MDN1: variants seen among roughly 807,000 people sequenced by gnomAD.
MDN1 encodes midasin.
MDN1 carries 266 observed loss-of-function variants against 669.2 expected under a neutral mutation model. That is an observed-to-expected ratio of 0.40 (90% confidence interval 0.36 to 0.44). MDN1 has a LOEUF of 0.44. MDN1 is among the 20% of genes least tolerant of loss of function. The probability of loss-of-function intolerance (pLI) is 1.00; values close to 1 mark genes in which losing one functional copy is unlikely to be tolerated. For missense variants in MDN1, 5,940 were observed against 6,754.0 expected (o/e 0.88, Z 4.22); for synonymous variants, 2,385 against 2,457.1 (o/e 0.97, Z 0.87).
intron 69 of MDN1, among the ~76,000 whole-genome samples, chr6:89,686,472 T>C (rs1584187741): frequency 6.6e-6 from 1 of 152,026 alleles, no homozygotes. Context: ...AAGTAGCAGC[T>C]GCACATAGAG....
chr6:89,750,763 C>A (rs1050772108), intron 23 of MDN1, among the ~76,000 whole-genome samples: 6 of 152,034 alleles, frequency 3.9e-5, no homozygotes, highest in Non-Finnish European at 8.8e-5. Flanking sequence ...CCACCAAGCC[C>A]AGCTAAATTT....
At position 89,650,015 on chromosome 6, in the gene MDN1, C is replaced by T; in HGVS notation, c.16206+9G>A. On this transcript the variant is annotated intron_variant, in intron 97 of 101. Coordinates refer to ENST00000369393, the MANE Select transcript of MDN1 (RefSeq NM_014611.3). ...CCTATCAAACTGCCACTGCATTTCT[C>T]TTCCTTACCTGCTTGGTATGATTGT... 5 of 1,613,862 alleles carry T rather than the reference C, an allele frequency of 3.1e-6. No homozygotes were observed. The highest frequency in any genetic ancestry group is 3.4e-6 in the Non-Finnish European group (4 of 1,179,906).
At chr6:89,743,089 G>GGA in intron 31 of MDN1, 61 bp downstream of exon 31, 2 of 1,234,234 alleles carry the variant, frequency 1.6e-6, no homozygotes, top group South Asian at 2.9e-5. Flanking sequence ...GTCTCAGGGA[G>GGA]AAAAAAAAAA....
intron 87 of MDN1, 71 bp from the exon 88 acceptor site, chr6:89,661,649 A>G: frequency 7.0e-7 from 1 of 1,418,542 alleles, no homozygotes; most frequent in Non-Finnish European, 9.5e-7. Flanking sequence ...GAATTCCCAT[A>G]AAATCAGCTC....
At chr6:89,699,937 C>A in intron 57 of MDN1, 126 bp downstream of exon 57, 1 of 1,136,302 alleles carries the variant, frequency 8.8e-7, no homozygotes, top group Admixed American at 2.8e-5. Context: ...TCCAAAGTGG[C>A]AAATCACTTC....
Position 89,712,117 on chromosome 6 carries a change from T to A in MDN1, c.7570A>T (p.Ile2524Leu), listed in dbSNP as rs543178166. 27 of 1,614,172 alleles carry A rather than the reference T, an allele frequency of 1.7e-5. No homozygotes were observed. The highest frequency in any genetic ancestry group is 2.3e-5 in the Non-Finnish European group (27 of 1,179,988). The change falls in exon 49 of 102, where the codon ATA becomes TTA. Residue 2524 changes from isoleucine to leucine, a missense_variant. Coordinates refer to ENST00000369393, the MANE Select transcript of MDN1 (RefSeq NM_014611.3). ...CAATCCTGATTGGTTGCTCTTTCTA[T>A]GAGCAATTTAACAGCCATGACCAAA... is the stretch of plus-strand genomic sequence containing the variant. Reference protein sequence around the residue: ...DVLVMAVKLLIERATNQDWML... With the variant: ...DVLVMAVKLLLERATNQDWML...
chr6:89,751,528 C>T lies in MDN1; in HGVS notation c.3130G>A (p.Ala1044Thr), dbSNP rs1437512286. The T allele has an allele frequency of 1.2e-6, 2 of 1,614,162 alleles. No individual in the cohort carries two copies. The highest frequency in any genetic ancestry group is 1.6e-4 in the Middle Eastern group (1 of 6,062). Residue 1044 changes from alanine (A) to threonine (T), a missense_variant, in exon 23 of 102, where the codon GCG (alanine) becomes ACG (threonine). Transcript: ENST00000369393. ...ATTGTAGGCTCCTTGTCTCCCACCG[C>T]AATCCAGTAGCCTTCAACCTGGATA... Reference protein sequence around the residue: ...RLIQVEGYWIAVGDKEPTIDE... With the variant: ...RLIQVEGYWITVGDKEPTIDE...
chr6:89,753,653 T>C, intron 21 of MDN1, 31 bp from the exon 22 acceptor site: 1 of 1,508,458 alleles, frequency 6.6e-7, no homozygotes, highest in Non-Finnish European at 9.2e-7. Flanking sequence ...TGCATAATGC[T>C]AAATAACCTT....
intron 101 of MDN1, 86 bp from the exon 102 acceptor site, chr6:89,644,279 T>C: frequency 8.9e-7 from 1 of 1,117,322 alleles, no homozygotes; most frequent in Non-Finnish European, 1.3e-6. Flanking sequence ...TTTTGCTAAC[T>C]TTTACATCTC....
At chr6:89,752,028 A>G (rs1456903317) in intron 22 of MDN1, among the ~76,000 whole-genome samples, 2 of 152,230 alleles carry the variant, frequency 1.3e-5, no homozygotes, top group African/African-American at 4.8e-5. Flanking sequence ...CAACTAGCCC[A>G]TTAAGGATAA....
At chr6:89,818,594 G>A (rs925850134) in intron 1 of MDN1, among the ~76,000 whole-genome samples, 92 of 151,792 alleles carry the variant, frequency 6.1e-4, no homozygotes, top group African/African-American at 2.2e-3. Flanking sequence ...GGTGGATCAC[G>A]AGGTCAAGAG....
chr6:89,686,419 T>A (rs997485316), intron 69 of MDN1, among the ~76,000 whole-genome samples: 1 of 148,090 alleles, frequency 6.8e-6, no homozygotes, highest in African/African-American at 2.4e-5. Context: ...AGCAGGACTC[T>A]GTCTCAAAAA....
At chr6:89,677,734 T>C (rs1811304737) in intron 75 of MDN1, 38 bp from the exon 76 acceptor site, 1 of 1,612,622 alleles carries the variant, frequency 6.2e-7, no homozygotes, top group Non-Finnish European at 8.5e-7. Context: ...CAAAGATGCT[T>C]AGTAGAGAAT....
rs1291658172 is a variant in MDN1, at chr6:89,743,649, C to T, written c.4244G>A (p.Ser1415Asn). 1 of 1,614,146 alleles carries T rather than the reference C, an allele frequency of 6.2e-7. No homozygotes were observed. ...TGATGTCTCCATGTGTAAGTGGCAG[C>T]TGACAGAGTATAATTTCTGATTTGC... ...ALANQKLYSVSCHLHMETSDF... is the reference protein window; with the variant it reads ...ALANQKLYSVNCHLHMETSDF... Residue 1415 changes from serine (S) to asparagine (N), a missense_variant, in exon 30 of 102, where the codon AGC becomes AAC. Around this residue, in one of 5 missense-constraint regions of MDN1, gnomAD observed 2,292 missense variants for 2,638.3 expected, o/e 0.87. Transcript: ENST00000369393.
At chr6:89,693,194 C>A (rs768371798) in intron 62 of MDN1, 46 bp from the exon 63 acceptor site, 46 of 1,379,180 alleles carry the variant, frequency 3.3e-5, no homozygotes, top group Non-Finnish European at 4.4e-5. Context: ...AGAAGAAGAG[C>A]AGCAAATCTA....
rs1405998311 is a variant in MDN1 at position 89,780,278 on chromosome 6, C to T, written c.1659G>A (p.Trp553Ter). ...CAAAGCTATGGGCAATCCTATTACA[C>T]CAATTCAGCAGATCCCTTTAAAAAA... ...RELSLRDLLN[W>*]CNRIAHSFDS... The change falls in exon 11 of 102, where the codon TGG (tryptophan) becomes TGA (stop). Residue 553 changes from tryptophan (W) to a stop codon, truncating the protein, a stop_gained. Transcript: ENST00000369393. LOFTEE classifies it high-confidence loss of function. The T allele has an allele frequency of 1.3e-6, 2 of 1,575,062 alleles. No homozygotes were observed. The highest frequency in any genetic ancestry group is 1.7e-6 in the Non-Finnish European group (2 of 1,163,582).
Position 89,758,809 on chromosome 6 carries a change from G to T in MDN1, c.2605+7C>A, listed in dbSNP as rs777385482. The T allele has an allele frequency of 2.5e-6, 4 of 1,614,012 alleles. No homozygotes were observed. In the South Asian group the frequency reaches 4.4e-5, roughly 18 times the overall value. On this transcript the variant is annotated splice_region_variant and intron_variant, in intron 18 of 101. Transcript: ENST00000369393. ...CCAAGTCAAATCCCAAGGGATTCAA[G>T]TGCTACCTGTGTCTCCTCGATCCAG...
At chr6:89,665,459 A>G (rs1226772737) in intron 84 of MDN1, among the ~76,000 whole-genome samples, 1 of 152,164 alleles carries the variant, frequency 6.6e-6, no homozygotes, top group Non-Finnish European at 1.5e-5. Flanking sequence ...CTGTAATCCC[A>G]GCACTTTGGG....
At chr6:89,781,255 G>C in intron 10 of MDN1, 144 bp downstream of exon 10, 1 of 723,520 alleles carries the variant, frequency 1.4e-6, no homozygotes. Context: ...TTTACTTCTA[G>C]CTGGTAAGAA....
Sources: allele counts gnomAD v4.1 joint callset (sites outside exome capture counted in the v4.1 genomes callset), GRCh38; gene constraint gnomAD v4.1.1; regional missense constraint gnomAD v4.1.1; transcripts MANE v1.5; gene names NCBI Gene and HGNC (gene_info 2026-07-23, HGNC 2026-07-21).